The following RAB4A variants were observed in gnomAD, a reference collection of about 807,000 sequenced individuals.
The protein encoded by RAB4A is RAB4A, member RAS oncogene family.
Under a neutral mutation model 34.5 loss-of-function variants are expected in RAB4A, and 20 were observed. The ratio of observed to expected loss-of-function variants is 0.58; its 90% CI spans 0.41 to 0.84. The LOEUF (loss-of-function observed/expected upper bound fraction) is 0.84, where lower values mean the gene tolerates loss of function less well. Among genes scored for constraint, RAB4A ranks in the 40% least tolerant of loss-of-function variants. RAB4A has a pLI of 0.00. For synonymous variants in RAB4A, 102 were observed against 100.0 expected (o/e 1.02, Z -0.12); for missense variants, 228 against 274.5 (o/e 0.83, Z 1.20).
At chr1:229,275,077 A>C (rs904561153) in intron 1 of RAB4A, among the ~76,000 whole-genome samples, 3 of 152,184 alleles carry the variant, frequency 2.0e-5, no homozygotes, top group African/African-American at 7.2e-5. Context: ...GTTCCCCAAA[A>C]TATCTGTTTA....
chr1:229,286,862 A>G (rs1388089582), intron 2 of RAB4A, among the ~76,000 whole-genome samples: 1 of 152,244 alleles, frequency 6.6e-6, no homozygotes, highest in African/African-American at 2.4e-5. Context: ...GTTTCCTGAC[A>G]GAGCAGCCAG....
Position 229,302,993 on chromosome 1 carries a change from G to A in RAB4A, c.*12+4G>A, listed in dbSNP as rs775359785. 3.8e-6 allele frequency: 6 copies of A among 1,596,300 alleles called. No homozygotes were observed. In the Admixed American group the frequency reaches 8.4e-5, roughly 22 times the overall value. On this transcript the variant is annotated splice_donor_region_variant and intron_variant, in intron 7 of 7. Transcript: ENST00000366690. The stretch of plus-strand genomic sequence containing the variant: ...TGGTTGTTAGGAGAGCACACAGGTG[G>A]GTTTGGACACCTCCCTGCCCTGAGT...
Position 229,302,296 on chromosome 1 carries a change from TA to T in RAB4A, c.542-565del, listed in dbSNP as rs56347346. Among the ~76,000 whole-genome samples, 45 of 29,532 alleles carry T rather than the reference TA, an allele frequency of 1.5e-3. 1 individual carries two copies. The highest frequency in any genetic ancestry group is 4.1e-3 in the African/African-American group (26 of 6,378). 19.4% of individuals were successfully genotyped at this position (29,532 alleles called of 152,430 possible). On this transcript the variant is annotated intron_variant, in intron 6 of 7. Transcript: ENST00000366690. Reference sequence around the variant, plus strand: ...ATATATATATATATATATATATATATATATATATATATATTTTTTTTTTTTT... The same window carrying T: ...ATATATATATATATATATATATATATTATATATATATATTTTTTTTTTTTT...
chr1:229,289,818 A>G (rs1026391523), intron 3 of RAB4A, among the ~76,000 whole-genome samples: 1 of 152,218 alleles, frequency 6.6e-6, no homozygotes, highest in Non-Finnish European at 1.5e-5. Context: ...CTCCATCTCA[A>G]AAATTAATTA....
chr1:229,289,580 C>T (rs187199484), intron 3 of RAB4A, among the ~76,000 whole-genome samples: 17 of 152,198 alleles, frequency 1.1e-4, no homozygotes, highest in African/African-American at 3.1e-4. Flanking sequence ...TTTGGGAGGC[C>T]GAGGCAGACC....
At chr1:229,287,686 C>G (rs9435835) in intron 2 of RAB4A, among the ~76,000 whole-genome samples, 20,443 of 152,090 alleles carry the variant, frequency 0.13, 1,458 homozygotes, top group Middle Eastern at 0.17. Flanking sequence ...AAGGATCTTA[C>G]CCTGCATTTT....
At chr1:229,272,593 G>A (rs1656521892) in intron 1 of RAB4A, among the ~76,000 whole-genome samples, 1 of 152,168 alleles carries the variant, frequency 6.6e-6, no homozygotes, top group African/African-American at 2.4e-5. Flanking sequence ...CCCAGACAGG[G>A]GTGTCAGGGA....
chr1:229,294,608 G>A (rs944182566), intron 3 of RAB4A, among the ~76,000 whole-genome samples: 4 of 152,242 alleles, frequency 2.6e-5, no homozygotes, highest in Admixed American at 1.3e-4. Context: ...GGGAGGCCGA[G>A]GCGGGTGGAT....
At chr1:229,295,749 T>TGTGGTTTACAAAGCAAGCATGG (rs1657235573) in intron 3 of RAB4A, 99 bp from the exon 4 acceptor site, 1 of 1,063,504 alleles carries the variant, frequency 9.4e-7, no homozygotes, top group Non-Finnish European at 1.4e-6. Flanking sequence ...GTCCCTGTGT[T>TGTGGTTTACAAAGCAAGCATGG]GTGGTTTACA....
At chr1:229,302,771 T>G in intron 6 of RAB4A, 91 bp from the exon 7 acceptor site, 1 of 884,672 alleles carries the variant, frequency 1.1e-6, no homozygotes. Context: ...ATACACAGTG[T>G]TCTGTACTTT....
Position 229,302,278 on chromosome 1 carries a change from TATATATATATATATATA to T in RAB4A, c.542-583_542-567del, listed in dbSNP as rs1657410450. 7.3e-3 allele frequency among the ~76,000 whole-genome samples: 167 copies of T among 22,844 alleles called. 4 individuals are homozygous for T. Among genetic ancestry groups the T allele is most frequent in the Non-Finnish European group, 0.011 (127 of 11,198 alleles). The allele number at this position is 22,844 out of a possible 152,430, so 15.0% of individuals were successfully genotyped here. Reference sequence around the variant, plus strand: ...ATAATTATATATATATATATATATATATATATATATATATATATATATATATATATATTTTTTTTTTT... The same window carrying T: ...ATAATTATATATATATATATATATATTATATATATATATATTTTTTTTTTT... On this transcript the variant is annotated intron_variant, in intron 6 of 7. Transcript: ENST00000366690.
intron 1 of RAB4A, among the ~76,000 whole-genome samples, chr1:229,279,838 A>G (rs1222772330): frequency 7.1e-6 from 1 of 140,790 alleles, no homozygotes; most frequent in Admixed American, 6.8e-5. Context: ...GGTGAATATA[A>G]TTATAAACTG....
chr1:229,296,334 G>T (rs1212047655), intron 4 of RAB4A, among the ~76,000 whole-genome samples: 1 of 152,178 alleles, frequency 6.6e-6, no homozygotes, highest in African/African-American at 2.4e-5. Flanking sequence ...CTCAGGCCAG[G>T]TGCTTCAGCT....
chr1:229,296,260 C>T (rs1013050854), intron 4 of RAB4A, among the ~76,000 whole-genome samples: 2 of 152,202 alleles, frequency 1.3e-5, no homozygotes, highest in African/African-American at 2.4e-5. Context: ...AGGGTGAGGA[C>T]ACAGACTCTG....
chr1:229,294,931 G>A (rs1055810162), intron 3 of RAB4A, among the ~76,000 whole-genome samples: 21 of 151,610 alleles, frequency 1.4e-4, no homozygotes, highest in African/African-American at 5.1e-4. Flanking sequence ...CGGTACCAGA[G>A]CCAATTTATT....
intron 1 of RAB4A, among the ~76,000 whole-genome samples, chr1:229,284,565 G>A (rs909169199): frequency 6.6e-6 from 1 of 152,150 alleles, no homozygotes; most frequent in African/African-American, 2.4e-5. Context: ...TGTGAAGATA[G>A]TACCCCGTTG....
In RAB4A at chr1:229,299,011, G is replaced by T. The variant is rs1197716014; in HGVS notation, c.480G>T (p.Gly160=). The change falls in exon 6 of 8, where the codon GGG becomes GGT. Residue 160 remains glycine (G), a synonymous_variant. Coordinates refer to ENST00000366690, the MANE Select transcript of RAB4A (RefSeq NM_004578.4). ...LMFLETSALT[G]ENVEEAFVQC... is the part of the protein sequence containing the mutation. ...TTTTGGAAACAAGTGCGCTCACAGGGGAGAATGTAGAAGAGGCTTTTGTAC... is the reference window on the plus strand; with the variant it reads ...TTTTGGAAACAAGTGCGCTCACAGGTGAGAATGTAGAAGAGGCTTTTGTAC... 6.2e-7 allele frequency: 1 copy of T among 1,610,930 alleles called. No homozygotes were observed. Among genetic ancestry groups the T allele is most frequent in the Admixed American group, 1.7e-5 (1 of 58,922 alleles).
intron 6 of RAB4A, among the ~76,000 whole-genome samples, chr1:229,301,407 C>T (rs1217727098): frequency 5.3e-5 from 8 of 151,706 alleles, no homozygotes; most frequent in Non-Finnish European, 1.5e-5. Context: ...GTGGACATGT[C>T]ATCTTTTTGT....
At chr1:229,289,204 G>A (rs557434780) in intron 3 of RAB4A, 8 of 184,848 alleles carry the variant, frequency 4.3e-5, no homozygotes, top group Admixed American at 6.3e-5. Context: ...TTAAAACCTT[G>A]TGAGGGTTTG....
Sources: allele counts gnomAD v4.1 joint callset (sites outside exome capture counted in the v4.1 genomes callset), GRCh38; gene constraint gnomAD v4.1.1; transcripts MANE v1.5; gene names NCBI Gene and HGNC (gene_info 2026-07-23, HGNC 2026-07-21).